The following ZNF569 variants were observed in gnomAD, a reference collection of about 807,000 sequenced individuals.
The protein encoded by ZNF569 is DNA-binding protein.
Under a neutral mutation model 56.3 loss-of-function variants are expected in ZNF569, and 38 were observed. The ratio of observed to expected loss-of-function variants is 0.68; its 90% CI spans 0.52 to 0.88. ZNF569 has a LOEUF of 0.88. Among genes scored for constraint, ZNF569 ranks in the 40% least tolerant of loss-of-function variants. ZNF569 has a pLI of 0.00. For synonymous variants in ZNF569, 241 were observed against 262.9 expected, an observed-to-expected ratio of 0.92 and a Z score of 0.81; for missense variants, 666 against 809.2, an observed-to-expected ratio of 0.82 and a Z score of 2.15.
rs576405184 is a variant in ZNF569, at chr19:37,459,934, A to C, written c.-44+5379T>G. Among the ~76,000 whole-genome samples the C allele has an allele frequency of 1.7e-3, 260 of 152,318 alleles. 2 individuals are homozygous for C. The highest frequency in any genetic ancestry group is 2.9e-3 in the Non-Finnish European group (196 of 68,034). ...ATTGAAAACTCTAGGGTGACACTAA[A>C]ATTTTTTAAAAGAAGTATAAATGAT... On this transcript the variant is annotated intron_variant, in intron 2 of 5. Coordinates refer to ENST00000316950, the MANE Select transcript of ZNF569 (RefSeq NM_152484.3).
In ZNF569 at chr19:37,414,386, T is replaced by C; in HGVS notation, c.272A>G (p.Asn91Ser). ...EIWGVDEHQK[N>S]QDRLLRQVEV... ...AACTTGTCTCAAAAGTCTGTCCTGG[T>C]TTTTCTGATGCTCATCAACTCCCCA... is the stretch of plus-strand genomic sequence containing the variant. Residue 91 changes from asparagine (N) to serine (S), a missense_variant, in exon 6 of 6, where the codon AAC becomes AGC. Transcript: ENST00000316950. 6.2e-7 allele frequency: 1 copy of C among 1,602,708 alleles called. No individual in the cohort carries two copies. The highest frequency in any genetic ancestry group is 8.5e-7 in the Non-Finnish European group (1 of 1,175,738).
At chr19:37,419,719 T>A (rs539905315) in intron 5 of ZNF569, among the ~76,000 whole-genome samples, 1 of 151,188 alleles carries the variant, frequency 6.6e-6, no homozygotes, top group Admixed American at 6.6e-5. Flanking sequence ...AGAGACTACG[T>A]CTCAAAAAAA....
chr19:37,466,006 G>A (rs892391980), intron 1 of ZNF569, among the ~76,000 whole-genome samples: 6 of 152,218 alleles, frequency 3.9e-5, no homozygotes, highest in African/African-American at 1.4e-4. Context: ...GTTGGTTACA[G>A]AGCTGTATGT....
At chr19:37,415,223 C>T (rs2040907991) in intron 5 of ZNF569, among the ~76,000 whole-genome samples, 1 of 151,920 alleles carries the variant, frequency 6.6e-6, no homozygotes, top group Non-Finnish European at 1.5e-5. Flanking sequence ...GAGTTGAGTA[C>T]ATTTTTTCCA....
At chr19:37,418,928 G>A (rs1444445520) in intron 5 of ZNF569, among the ~76,000 whole-genome samples, 2 of 152,112 alleles carry the variant, frequency 1.3e-5, no homozygotes, top group African/African-American at 4.8e-5. Context: ...ACTTCCAATA[G>A]GAAAATGGAA....
At chr19:37,428,265 G>C (rs1268033369) in intron 3 of ZNF569, among the ~76,000 whole-genome samples, 2 of 152,266 alleles carry the variant, frequency 1.3e-5, no homozygotes, top group African/African-American at 4.8e-5. Context: ...CTACCACTTT[G>C]GGAAGCCGAG....
chr19:37,426,154 C>T (rs899432799), intron 4 of ZNF569, 98 bp downstream of exon 4: 25 of 1,434,952 alleles, frequency 1.7e-5, no homozygotes, highest in Non-Finnish European at 2.4e-5. Flanking sequence ...GCCAAGCTCA[C>T]TCTAATATTT....
In ZNF569 at chr19:37,414,119, T is replaced by C. The variant is rs777881861; in HGVS notation, c.539A>G (p.His180Arg). The C allele has an allele frequency of 1.2e-5, 19 of 1,613,872 alleles. No homozygotes were observed. Among genetic ancestry groups the C allele is most frequent in the Non-Finnish European group, 1.6e-5 (19 of 1,179,912 alleles). ...PVKSYGNSSS[H>R]FVITPFKCNH... ...ACACTTAAAGGGGGTAATGACAAAA[T>C]GGGATGAGCTATTACCATATGATTT... Residue 180 changes from histidine to arginine, a missense_variant, in exon 6 of 6, where the codon CAT (histidine) becomes CGT (arginine). Physicochemically the swap from His to Arg is conservative, Grantham distance 29. Transcript: ENST00000316950.
At chr19:37,416,691 T>C (rs2040939936) in intron 5 of ZNF569, among the ~76,000 whole-genome samples, 1 of 152,210 alleles carries the variant, frequency 6.6e-6, no homozygotes, top group South Asian at 2.1e-4. Flanking sequence ...TTTTTTCCCC[T>C]GAATATTTTC....
In ZNF569 at chr19:37,414,222, A is replaced by C; in HGVS notation, c.436T>G (p.Leu146Val). The change falls in exon 6 of 6, where the codon TTA becomes GTA. Residue 146 changes from leucine (L) to valine (V), a missense_variant. Coordinates refer to ENST00000316950, the MANE Select transcript of ZNF569 (RefSeq NM_152484.3). Reference protein sequence around the residue: ...LYEYDLFGKCLEHNFDCHNNV... With the variant: ...LYEYDLFGKCVEHNFDCHNNV... Reference sequence around the variant, plus strand: ...TTATGACAGTCAAAATTATGTTCTAAACACTTTCCAAATAAGTCATACTCA... The same window carrying C: ...TTATGACAGTCAAAATTATGTTCTACACACTTTCCAAATAAGTCATACTCA... The C allele has an allele frequency of 6.2e-7, 1 of 1,613,264 alleles. No homozygotes were observed. Among genetic ancestry groups the C allele is most frequent in the South Asian group, 1.1e-5 (1 of 90,890 alleles).
Position 37,414,365 on chromosome 19 carries a change from T to C in ZNF569, c.293A>G (p.Gln98Arg). 1 of 1,611,686 alleles carries C rather than the reference T, an allele frequency of 6.2e-7. No individual in the cohort carries two copies. The change falls in exon 6 of 6, where the codon CAA becomes CGA. Residue 98 changes from glutamine to arginine, a missense_variant. By Grantham distance (43) the Gln-to-Arg change is conservative. Transcript: ENST00000316950. ...TGTTTTCTGGAATTTAACTTCAACT[T>C]GTCTCAAAAGTCTGTCCTGGTTTTT... Reference protein sequence around the residue: ...HQKNQDRLLRQVEVKFQKTLT... With the variant: ...HQKNQDRLLRRVEVKFQKTLT...
intron 3 of ZNF569, among the ~76,000 whole-genome samples, chr19:37,440,245 G>C (rs754202203): frequency 7.9e-5 from 12 of 151,970 alleles, no homozygotes; most frequent in Non-Finnish European, 1.8e-4. Context: ...CCTATATTTA[G>C]GAAACTTATC....
intron 2 of ZNF569, among the ~76,000 whole-genome samples, chr19:37,459,292 A>T (rs1050120424): frequency 6.6e-6 from 1 of 152,010 alleles, no homozygotes; most frequent in Non-Finnish European, 1.5e-5. Flanking sequence ...ACAAAAAAAA[A>T]CAAAGAAAAG....
At chr19:37,449,193 C>T (rs1382567406) in intron 2 of ZNF569, among the ~76,000 whole-genome samples, 1 of 152,112 alleles carries the variant, frequency 6.6e-6, no homozygotes, top group East Asian at 1.9e-4. Context: ...CTTTGAATGA[C>T]TTTTATGTCT....
In ZNF569 at chr19:37,420,300, A is replaced by G. The variant is rs1027983852; in HGVS notation, c.238+5568T>C. 2.0e-5 allele frequency among the ~76,000 whole-genome samples: 3 copies of G among 151,982 alleles called. No individual in the cohort carries two copies. The South Asian group carries it at 6.2e-4, about 32-fold the overall frequency. On this transcript the variant is annotated intron_variant, in intron 5 of 5. Coordinates refer to ENST00000316950, the MANE Select transcript of ZNF569 (RefSeq NM_152484.3). ...ACTGCGCCGGCCCCAATTTCTTAAGATAACAATGAAGAGTCACATTGATTG... is the reference window on the plus strand; with the variant it reads ...ACTGCGCCGGCCCCAATTTCTTAAGGTAACAATGAAGAGTCACATTGATTG...
rs1167015668 is a variant in ZNF569 at position 37,413,149 on chromosome 19, G to C, written c.1509C>G (p.Phe503Leu). ...GTGTAATGAAGTTTTGCTTTTGGCT[G>C]AAGGCTTTACCACATTCATTGCATT... Reference protein sequence around the residue: ...PYECNECGKAFSQKQNFITHQ... With the variant: ...PYECNECGKALSQKQNFITHQ... Residue 503 changes from phenylalanine (F) to leucine (L), a missense_variant, in exon 6 of 6, where the codon TTC (phenylalanine) becomes TTG (leucine). Coordinates refer to ENST00000316950, the MANE Select transcript of ZNF569 (RefSeq NM_152484.3). 3.7e-6 allele frequency: 6 copies of C among 1,608,292 alleles called. No individual in the cohort carries two copies. The South Asian group carries it at 6.7e-5, about 18-fold the overall frequency.
intron 2 of ZNF569, chr19:37,454,878 C>G: frequency 1.4e-6 from 1 of 702,466 alleles, no homozygotes; most frequent in Non-Finnish European, 2.6e-6. Context: ...GTAAGTAAAG[C>G]TTGAGTCCTG....
intron 3 of ZNF569, among the ~76,000 whole-genome samples, chr19:37,443,544 A>G (rs1016316716): frequency 3.9e-5 from 6 of 152,182 alleles, no homozygotes; most frequent in African/African-American, 1.4e-4. Context: ...TAAACAAAGT[A>G]AAACACACTC....
At chr19:37,446,755 A>G (rs1027559225) in intron 2 of ZNF569, among the ~76,000 whole-genome samples, 8 of 152,146 alleles carry the variant, frequency 5.3e-5, no homozygotes, top group Non-Finnish European at 1.2e-4. Flanking sequence ...AAAAACAAAG[A>G]TAAACAGATG....
Sources: allele counts gnomAD v4.1 joint callset (sites outside exome capture counted in the v4.1 genomes callset), GRCh38; gene constraint gnomAD v4.1.1; transcripts MANE v1.5; gene names NCBI Gene and HGNC (gene_info 2026-07-23, HGNC 2026-07-21).